Variants in LOC400499 observed in about 807,000 individuals in gnomAD.
At chr16:11,378,668 A>T in the LOC400499 span, among the ~76,000 whole-genome samples, 1 of 151,906 alleles carries the variant, frequency 6.6e-6, no homozygotes, top group Non-Finnish European at 1.5e-5. Context: ...ATACTTTCTG[A>T]TTTTTCCTTA....
At chr16:11,527,045 C>T in the LOC400499 span, among the ~76,000 whole-genome samples, 1 of 152,212 alleles carries the variant, frequency 6.6e-6, no homozygotes, top group Non-Finnish European at 1.5e-5. Context: ...CAATCCCCGG[C>T]GCATCTGGAC....
chr16:11,462,109 T>A, the LOC400499 span: 2 of 1,486,938 alleles, frequency 1.3e-6, no homozygotes, highest in Non-Finnish European at 1.8e-6. Context: ...AGGGGTCTCA[T>A]CTCCTACCTG....
At chr16:11,421,020 G>A in the LOC400499 span, among the ~76,000 whole-genome samples, 1 of 152,148 alleles carries the variant, frequency 6.6e-6, no homozygotes, top group East Asian at 1.9e-4. Context: ...GGCCACCTCT[G>A]CCAAACTGTC....
the LOC400499 span, among the ~76,000 whole-genome samples, chr16:11,421,696 TC>T: frequency 2.0e-3 from 297 of 152,220 alleles, 2 homozygotes; most frequent in African/African-American, 7.0e-3. Flanking sequence ...CTTGTATAAT[TC>T]TGTTTGTATG....
At chr16:11,508,113 T>C in the LOC400499 span, among the ~76,000 whole-genome samples, 4 of 152,174 alleles carry the variant, frequency 2.6e-5, no homozygotes, top group East Asian at 7.7e-4. Flanking sequence ...CAATGACACA[T>C]CACTTTCCTC....
chr16:11,398,429 C>CT, the LOC400499 span: 1 of 1,232,284 alleles, frequency 8.1e-7, no homozygotes, highest in Non-Finnish European at 1.0e-6. Flanking sequence ...CCCAGAAGCT[C>CT]TGACGGGTAC....
At chr16:11,438,399 T>A in the LOC400499 span, among the ~76,000 whole-genome samples, 1 of 151,980 alleles carries the variant, frequency 6.6e-6, no homozygotes, top group African/African-American at 2.4e-5. Flanking sequence ...AGCAGTTCCC[T>A]CCATTCAGAG....
chr16:11,373,377 C>T, the LOC400499 span, among the ~76,000 whole-genome samples: 7 of 152,346 alleles, frequency 4.6e-5, no homozygotes, highest in East Asian at 3.9e-4. Flanking sequence ...TGGAGTCTCG[C>T]GCTATCACCC....
At chr16:11,519,596 AT>A in the LOC400499 span, among the ~76,000 whole-genome samples, 22 of 151,938 alleles carry the variant, frequency 1.4e-4, no homozygotes, top group South Asian at 2.1e-4. Flanking sequence ...ATAAACAATA[AT>A]TTTTTTAAAG....
At chr16:11,457,186 C>CA in the LOC400499 span, 1 of 707,326 alleles carries the variant, frequency 1.4e-6, no homozygotes, top group Non-Finnish European at 2.3e-6. Flanking sequence ...TCCAAAAAAA[C>CA]AAAAAACAAG....
the LOC400499 span, among the ~76,000 whole-genome samples, chr16:11,438,467 G>T: frequency 6.6e-6 from 1 of 151,770 alleles, no homozygotes; most frequent in East Asian, 1.9e-4. Context: ...TGAACAGCAG[G>T]TGTTTAAAAA....
At chr16:11,497,168 G>A in the LOC400499 span, among the ~76,000 whole-genome samples, 9 of 152,126 alleles carry the variant, frequency 5.9e-5, no homozygotes, top group African/African-American at 2.2e-4. Context: ...GCGTGTGCAC[G>A]TCCCAGTGCA....
chr16:11,496,210 A>G, the LOC400499 span, among the ~76,000 whole-genome samples: 2 of 151,906 alleles, frequency 1.3e-5, no homozygotes, highest in Non-Finnish European at 2.9e-5. Flanking sequence ...GGGATTACAG[A>G]TGTCTGCCAC....
At chr16:11,422,788 T>C in the LOC400499 span, among the ~76,000 whole-genome samples, 1 of 152,170 alleles carries the variant, frequency 6.6e-6, no homozygotes, top group Non-Finnish European at 1.5e-5. Flanking sequence ...CAGAGACAGC[T>C]TGAAGCCACC....
the LOC400499 span, among the ~76,000 whole-genome samples, chr16:11,495,420 A>AT: frequency 1.5e-4 from 22 of 149,732 alleles, no homozygotes; most frequent in Non-Finnish European, 2.1e-4. Context: ...TTGCTCTCTC[A>AT]TTCATCCTGG....
At chr16:11,387,038 T>C in the LOC400499 span, 2 of 1,165,456 alleles carry the variant, frequency 1.7e-6, no homozygotes, top group African/African-American at 1.6e-5. Flanking sequence ...TACTAGCCTA[T>C]GGAGGCTTCC....
chr16:11,377,003 T>C, the LOC400499 span, among the ~76,000 whole-genome samples: 620 of 151,678 alleles, frequency 4.1e-3, 1 homozygote, highest in Non-Finnish European at 7.1e-3. Flanking sequence ...ACAGTGGCTA[T>C]TCACAGGCAT....
the LOC400499 span, chr16:11,383,987 T>C: frequency 8.1e-7 from 1 of 1,231,760 alleles, no homozygotes; most frequent in Non-Finnish European, 1.0e-6. Context: ...GGCTTCTCAG[T>C]GGCCCTGCAG....
the LOC400499 span, among the ~76,000 whole-genome samples, chr16:11,412,260 C>T: frequency 6.6e-6 from 1 of 152,184 alleles, no homozygotes; most frequent in Non-Finnish European, 1.5e-5. Context: ...CATCTTGACT[C>T]CTGGCCTTCA....
Sources: allele counts gnomAD v4.1 joint callset (sites outside exome capture counted in the v4.1 genomes callset), GRCh38; gene constraint gnomAD v4.1.1; transcripts MANE v1.5.